Variants in TRNT1 observed in about 807,000 individuals in gnomAD.
TRNT1 encodes tRNA nucleotidyl transferase 1, also known as CCA tRNA nucleotidyltransferase 1, mitochondrial.
Under a neutral mutation model 45.6 loss-of-function variants are expected in TRNT1, and 44 were observed. The ratio of observed to expected loss-of-function variants is 0.97; its 90% CI spans 0.76 to 1.24. The LOEUF (loss-of-function observed/expected upper bound fraction) is 1.24, where lower values mean the gene tolerates loss of function less well. TRNT1 is among the 50% of genes most tolerant of loss of function. The pLI is 0.00. For missense variants in TRNT1, 633 were observed against 504.4 expected, an observed-to-expected ratio of 1.25 and a Z score of -2.44; for synonymous variants, 201 against 171.4, an observed-to-expected ratio of 1.17 and a Z score of -1.35.
In TRNT1 at chr3:3,145,106, GTT is replaced by G. The variant is rs201172022; in HGVS notation, c.608+399_608+400del. The G allele has an allele frequency of 2.0e-3, 306 of 153,468 alleles. 3 individuals are homozygous for G. Among genetic ancestry groups the G allele is most frequent in the Admixed American group, 0.018 (282 of 15,304 alleles). The allele number at this position is 153,468 out of a possible 1,614,324, so 9.5% of individuals were successfully genotyped here. A position where few individuals can be genotyped will look rare whatever the true frequency, so the allele number is the denominator to read the frequency against. On this transcript the variant is annotated intron_variant, in intron 5 of 7. Transcript: ENST00000251607. ...AGTGTTCGCCTTCATACAGCTTACG[GTT>G]TTAGGTAGTCATGGAAATCGGTGAT...
At chr3:3,140,692 C>A in intron 4 of TRNT1, 44 bp downstream of exon 4, 1 of 1,583,066 alleles carries the variant, frequency 6.3e-7, no homozygotes, top group Non-Finnish European at 8.6e-7. Flanking sequence ...TATCAGAATG[C>A]CTTCTTTTCA....
chr3:3,135,265 T>C (rs1439307208), intron 2 of TRNT1, among the ~76,000 whole-genome samples: 2 of 152,106 alleles, frequency 1.3e-5, no homozygotes, highest in African/African-American at 4.8e-5. Context: ...GGGGAGAGTT[T>C]TGTGCAGACA....
chr3:3,135,418 A>G (rs1465382961), intron 2 of TRNT1, among the ~76,000 whole-genome samples: 11 of 151,962 alleles, frequency 7.2e-5, no homozygotes, highest in African/African-American at 2.4e-4. Flanking sequence ...TAATTAACCT[A>G]GTGTTTTAAA....
chr3:3,149,472 G>A (rs1378481308), downstream of TRNT1: 1 of 151,992 alleles, frequency 6.6e-6, no homozygotes, highest in East Asian at 1.9e-4. Flanking sequence ...AACGGTATGG[G>A]ACATACTGAA....
intron 4 of TRNT1, among the ~76,000 whole-genome samples, chr3:3,140,993 A>AC (rs1455561862): frequency 6.6e-6 from 1 of 152,002 alleles, no homozygotes; most frequent in Non-Finnish European, 1.5e-5. Flanking sequence ...AATGGTGTGA[A>AC]CCCGGGAGGC....
At chr3:3,135,787 G>C (rs1309086052) in intron 2 of TRNT1, among the ~76,000 whole-genome samples, 2 of 152,154 alleles carry the variant, frequency 1.3e-5, no homozygotes, top group African/African-American at 2.4e-5. Flanking sequence ...TCGTGTTGCT[G>C]TCTGCTAGCC....
At chr3:3,134,219 A>G (rs1354339452) in intron 2 of TRNT1, among the ~76,000 whole-genome samples, 3 of 152,160 alleles carry the variant, frequency 2.0e-5, no homozygotes, top group Non-Finnish European at 4.4e-5. Context: ...TTTCTGTAAG[A>G]TTGAAGATAT....
At chr3:3,129,246 G>A (rs1197321938) in intron 2 of TRNT1, 58 bp downstream of exon 2, 5 of 1,456,762 alleles carry the variant, frequency 3.4e-6, no homozygotes, top group Non-Finnish European at 3.8e-6. Flanking sequence ...AGAAGTAGAG[G>A]GTTAACTTTT....
At chr3:3,150,995 C>T, downstream of TRNT1, 2 of 1,613,966 alleles carry the variant, frequency 1.2e-6, no homozygotes, top group Non-Finnish European at 1.7e-6. Context: ...CGTAAACTTC[C>T]ATCCAATATG....
In TRNT1 at chr3:3,147,935, A is replaced by G; in HGVS notation, c.1086A>G (p.Val362=). 1.2e-6 allele frequency: 2 copies of G among 1,613,822 alleles called. No individual in the cohort carries two copies. The highest frequency in any genetic ancestry group is 1.7e-6 in the Non-Finnish European group (2 of 1,179,796). Residue 362 remains valine (V), a synonymous_variant, in exon 8 of 8, where the codon GTA becomes GTG. Transcript: ENST00000251607. ...GGGAACCTGATGCAACTACTCGTGT[A>G]TGTGAACTACTGAAGTACCAAGGAG... ...DSREPDATTR[V]CELLKYQGEH...
At chr3:3,142,192 C>T (rs1310671252) in intron 4 of TRNT1, among the ~76,000 whole-genome samples, 2 of 152,140 alleles carry the variant, frequency 1.3e-5, no homozygotes, top group African/African-American at 2.4e-5. Context: ...TAACTGGCTT[C>T]TCATAAGCAT....
downstream of TRNT1, chr3:3,152,318 A>G (rs1191816074): frequency 6.3e-6 from 6 of 958,548 alleles, no homozygotes; most frequent in Non-Finnish European, 9.6e-6. Context: ...ATACCCGGCT[A>G]ATTTTTGTAG....
downstream of TRNT1, chr3:3,150,692 C>CTT (rs916672440): frequency 1.3e-5 from 8 of 638,088 alleles, no homozygotes; most frequent in African/African-American, 5.5e-5. Flanking sequence ...CTAAAGTATA[C>CTT]TTAAAAGTTT....
At chr3:3,129,228 A>G (rs1198303089) in intron 2 of TRNT1, 40 bp downstream of exon 2, 3 of 1,555,608 alleles carry the variant, frequency 1.9e-6, no homozygotes, top group African/African-American at 1.4e-5. Flanking sequence ...GGAAACCTAT[A>G]TAAATGGAGA....
Position 3,144,597 on chromosome 3 carries a change from T to A in TRNT1, c.495T>A (p.Thr165=). ...TCTAATGAATAGGTTTTGATGGCAC[T>A]TTATTTGACTACTTTAATGGTTATG... ...INSMFLGFDG[T]LFDYFNGYED... The change falls in exon 5 of 8, where the codon ACT becomes ACA. Residue 165 remains threonine (T), a synonymous_variant. Transcript: ENST00000251607. 1 of 1,583,066 alleles carries A rather than the reference T, an allele frequency of 6.3e-7. No individual in the cohort carries two copies. The highest frequency in any genetic ancestry group is 1.1e-5 in the South Asian group (1 of 87,210).
At chr3:3,149,171 T>G (rs1252390002), downstream of TRNT1, 1 of 152,130 alleles carries the variant, frequency 6.6e-6, no homozygotes, top group Non-Finnish European at 1.5e-5. Flanking sequence ...GAGTGTAATA[T>G]TTCTAAGAGG....
downstream of TRNT1, among the ~76,000 whole-genome samples, chr3:3,151,408 G>C (rs1193678071): frequency 6.6e-6 from 1 of 152,102 alleles, no homozygotes; most frequent in Non-Finnish European, 1.5e-5. Context: ...TTGCAGTCAA[G>C]TTAGAAAACA....
intron 2 of TRNT1, chr3:3,129,970 C>G: frequency 2.6e-6 from 4 of 1,550,456 alleles, no homozygotes; most frequent in Non-Finnish European, 3.5e-6. Flanking sequence ...GGAGTTGCCT[C>G]CATTGTGCAC....
chr3:3,149,903 G>C (rs1706375433), downstream of TRNT1: 1 of 152,080 alleles, frequency 6.6e-6, no homozygotes, highest in African/African-American at 2.4e-5. Flanking sequence ...GTGGAAGGAA[G>C]GACCCACTAA....
Sources: allele counts gnomAD v4.1 joint callset (sites outside exome capture counted in the v4.1 genomes callset), GRCh38; gene constraint gnomAD v4.1.1; transcripts MANE v1.5; gene names NCBI Gene and HGNC (gene_info 2026-07-23, HGNC 2026-07-21).